SLC24A3: variants seen among roughly 807,000 people sequenced by gnomAD.
SLC24A3 encodes sodium/potassium/calcium exchanger 3.
Under a neutral mutation model 75.8 loss-of-function variants are expected in SLC24A3, and 28 were observed. That is an observed-to-expected ratio of 0.37 (90% CI 0.27 to 0.51). The LOEUF (loss-of-function observed/expected upper bound fraction) is 0.51. SLC24A3 is among the 20% of genes least tolerant of loss of function. The pLI is 0.94. For missense variants in SLC24A3, 663 were observed against 847.8 expected, an observed-to-expected ratio of 0.78 and a Z score of 2.71; for synonymous variants, 372 against 334.1, an observed-to-expected ratio of 1.11 and a Z score of -1.24.
intron 6 of SLC24A3, among the ~76,000 whole-genome samples, chr20:19,631,191 G>C (rs2054533313): frequency 6.6e-6 from 1 of 151,864 alleles, no homozygotes; most frequent in Admixed American, 6.6e-5. Flanking sequence ...AAAAGAAAAA[G>C]AAAAAAAGAA....
intron 12 of SLC24A3, among the ~76,000 whole-genome samples, chr20:19,687,045 A>G (rs1197286650): frequency 6.6e-6 from 1 of 152,208 alleles, no homozygotes; most frequent in Non-Finnish European, 1.5e-5. Flanking sequence ...AAAATGCCAC[A>G]TATTTTGCAG....
At chr20:19,476,938 AAAT>A (rs1320395418) in intron 2 of SLC24A3, among the ~76,000 whole-genome samples, 2 of 152,066 alleles carry the variant, frequency 1.3e-5, no homozygotes, top group African/African-American at 2.4e-5. Context: ...ACTTAGAAAC[AAAT>A]AATAATGCAA....
chr20:19,448,391 C>T (rs1354296888), intron 2 of SLC24A3, among the ~76,000 whole-genome samples: 1 of 152,238 alleles, frequency 6.6e-6, no homozygotes, highest in Non-Finnish European at 1.5e-5. Context: ...TCACATTTTT[C>T]AATGTGCAAA....
chr20:19,249,442 T>G (rs1244127387), intron 1 of SLC24A3, among the ~76,000 whole-genome samples: 3 of 152,232 alleles, frequency 2.0e-5, no homozygotes, highest in Non-Finnish European at 2.9e-5. Flanking sequence ...CACTAATTCC[T>G]GTGTCTCCAA....
chr20:19,465,607 G>T (rs1312017085), intron 2 of SLC24A3, among the ~76,000 whole-genome samples: 1 of 152,106 alleles, frequency 6.6e-6, no homozygotes, highest in African/African-American at 2.4e-5. Flanking sequence ...GAGTCTGGGG[G>T]CTTCCGGGAA....
chr20:19,658,836 C>G (rs976969908), intron 7 of SLC24A3, among the ~76,000 whole-genome samples: 1 of 152,218 alleles, frequency 6.6e-6, no homozygotes, highest in African/African-American at 2.4e-5. Context: ...GCAGATTCTT[C>G]GCTGCTTCTC....
intron 2 of SLC24A3, among the ~76,000 whole-genome samples, chr20:19,367,262 C>T (rs1985909015): frequency 6.6e-6 from 1 of 152,204 alleles, no homozygotes; most frequent in South Asian, 2.1e-4. Context: ...CCAGAAAATT[C>T]CTCTGGATAG....
At chr20:19,268,505 C>T (rs1983231298) in intron 1 of SLC24A3, among the ~76,000 whole-genome samples, 1 of 152,182 alleles carries the variant, frequency 6.6e-6, no homozygotes, top group Non-Finnish European at 1.5e-5. Flanking sequence ...CCTTAGAGGT[C>T]AGCTCATTCA....
intron 6 of SLC24A3, among the ~76,000 whole-genome samples, chr20:19,645,319 A>G (rs2032124101): frequency 1.3e-5 from 2 of 152,206 alleles, no homozygotes; most frequent in Non-Finnish European, 2.9e-5. Context: ...CATCATGTCA[A>G]ATGTTGAAGA....
chr20:19,325,769 T>C (rs1203003799), intron 2 of SLC24A3, among the ~76,000 whole-genome samples: 5 of 66,388 alleles, frequency 7.5e-5, no homozygotes, highest in South Asian at 1.2e-3. Flanking sequence ...TACATACATA[T>C]ATATATACAT....
At chr20:19,484,421 T>A (rs867168785) in intron 2 of SLC24A3, among the ~76,000 whole-genome samples, 2 of 152,166 alleles carry the variant, frequency 1.3e-5, no homozygotes, top group African/African-American at 4.8e-5. Flanking sequence ...ACACAAAAAA[T>A]TTTAGATTTG....
intron 8 of SLC24A3, among the ~76,000 whole-genome samples, chr20:19,672,370 T>C (rs2032478857): frequency 6.6e-6 from 1 of 152,190 alleles, no homozygotes; most frequent in Admixed American, 6.5e-5. Flanking sequence ...GGTTTTACTG[T>C]GTCGCCCAGG....
intron 2 of SLC24A3, among the ~76,000 whole-genome samples, chr20:19,375,622 T>C (rs1442706091): frequency 6.6e-6 from 1 of 152,212 alleles, no homozygotes; most frequent in Non-Finnish European, 1.5e-5. Context: ...TCAAACTCCA[T>C]GACAGATGTT....
intron 6 of SLC24A3, among the ~76,000 whole-genome samples, chr20:19,623,192 C>A (rs2031826474): frequency 6.6e-6 from 1 of 152,206 alleles, no homozygotes; most frequent in African/African-American, 2.4e-5. Context: ...AATTCAGAGT[C>A]TTTAATTGAA....
chr20:19,492,287 C>T (rs548708909), intron 2 of SLC24A3, among the ~76,000 whole-genome samples: 2 of 152,284 alleles, frequency 1.3e-5, no homozygotes, highest in African/African-American at 4.8e-5. Flanking sequence ...TCCAAGAAAA[C>T]AGGGTTTTAG....
chr20:19,316,718 C>A (rs2207092), intron 2 of SLC24A3, among the ~76,000 whole-genome samples: 150,480 of 152,342 alleles, frequency 0.99, 74,319 homozygotes, highest in East Asian at 1. Flanking sequence ...GCTGAGGAGA[C>A]AATGAGAATG....
At chr20:19,510,031 A>G (rs1032775900) in intron 2 of SLC24A3, among the ~76,000 whole-genome samples, 1 of 152,188 alleles carries the variant, frequency 6.6e-6, no homozygotes, top group Non-Finnish European at 1.5e-5. Flanking sequence ...TGAAATAACA[A>G]TGTTATTAGT....
chr20:19,266,342 C>T (rs1001348434), intron 1 of SLC24A3, among the ~76,000 whole-genome samples: 1 of 152,188 alleles, frequency 6.6e-6, no homozygotes, highest in African/African-American at 2.4e-5. Context: ...AGTCCCGATA[C>T]TTGGTACTTT....
chr20:19,366,561 G>A (rs971678250), intron 2 of SLC24A3, among the ~76,000 whole-genome samples: 6 of 152,012 alleles, frequency 3.9e-5, no homozygotes, highest in Admixed American at 2.0e-4. Context: ...TTCTGTCCCC[G>A]AAAACCACTG....
Sources: allele counts gnomAD v4.1 joint callset (sites outside exome capture counted in the v4.1 genomes callset), GRCh38; gene constraint gnomAD v4.1.1; transcripts MANE v1.5; gene names NCBI Gene and HGNC (gene_info 2026-07-23, HGNC 2026-07-21).